Variants in ZC3H7B observed in about 807,000 individuals in gnomAD.
The protein encoded by ZC3H7B is zinc finger CCCH-type containing 7B.
Under a neutral mutation model 116.0 loss-of-function variants are expected in ZC3H7B, and 35 were observed. That is an observed-to-expected ratio of 0.30 (90% CI 0.23 to 0.40). ZC3H7B has a LOEUF of 0.40. Among genes scored for constraint, ZC3H7B ranks in the 10% least tolerant of loss-of-function variants. The pLI is 1.00. For synonymous variants in ZC3H7B, 502 were observed against 545.6 expected (o/e 0.92, Z 1.11); for missense variants, 1,011 against 1,321.5 (o/e 0.77, Z 3.64).
At chr22:41,326,538 CCTCCCATAGCCTCAGCCTCCTCACTGTTT>C (rs2036321815) in intron 4 of ZC3H7B, among the ~76,000 whole-genome samples, 7 of 151,566 alleles carry the variant, frequency 4.6e-5, no homozygotes, top group Admixed American at 2.6e-4. Flanking sequence ...CCTCACTGTT[CCTCCCATAGCCTCAGCCTCCTCACTGTTT>C]CTCCCATAGC....
intron 5 of ZC3H7B, among the ~76,000 whole-genome samples, 170 bp from the exon 6 acceptor site, chr22:41,329,853 C>G (rs2036359943): frequency 6.6e-6 from 1 of 152,218 alleles, no homozygotes; most frequent in South Asian, 2.1e-4. Context: ...TGCCACCACT[C>G]ACTAGCTGTG....
chr22:41,356,932 C>A, intron 22 of ZC3H7B, 124 bp downstream of exon 22: 2 of 1,444,072 alleles, frequency 1.4e-6, no homozygotes, highest in Non-Finnish European at 1.9e-6. Context: ...TTGGCTGTGA[C>A]TGCAGCCATG....
In ZC3H7B at chr22:41,327,604, G is replaced by A. The variant is rs1360845144; in HGVS notation, c.444+240G>A. On this transcript the variant is annotated intron_variant, in intron 5 of 22. Transcript: ENST00000352645. This position sits in a 1 kb window ranked among gnomAD's most constrained non-coding sequence, Gnocchi z 4.5. Reference sequence around the variant, plus strand: ...CTAATACTGGCAATAACCCTAAGAGGCAGATACTGTGATTATTCTCATTTT... The same window carrying A: ...CTAATACTGGCAATAACCCTAAGAGACAGATACTGTGATTATTCTCATTTT... Among the ~76,000 whole-genome samples the A allele has an allele frequency of 6.6e-6, 1 of 152,210 alleles. No homozygotes were observed. Among genetic ancestry groups the A allele is most frequent in the African/African-American group, 2.4e-5 (1 of 41,458 alleles).
At chr22:41,340,385 C>T (rs1326185790) in intron 10 of ZC3H7B, among the ~76,000 whole-genome samples, 2 of 152,050 alleles carry the variant, frequency 1.3e-5, no homozygotes, top group African/African-American at 4.8e-5. Context: ...CCTCTAGACT[C>T]CCAGTCTGGT....
At chr22:41,342,062 CAA>C (rs917602066) in intron 11 of ZC3H7B, among the ~76,000 whole-genome samples, 36 of 87,990 alleles carry the variant, frequency 4.1e-4, no homozygotes, top group Admixed American at 3.7e-4. Context: ...AACTCCATCT[CAA>C]AAAAAAAAAA....
chr22:41,310,958 G>T (rs2036110079), intron 1 of ZC3H7B, among the ~76,000 whole-genome samples: 1 of 151,824 alleles, frequency 6.6e-6, no homozygotes, highest in African/African-American at 2.4e-5. Flanking sequence ...GTAGAGAGGG[G>T]GTTTCACCGT....
rs1463775216 is a variant in ZC3H7B, at chr22:41,340,149, G to T, written c.1138+12G>T. 1.9e-6 allele frequency: 3 copies of T among 1,586,186 alleles called. No individual in the cohort carries two copies. The highest frequency in any genetic ancestry group is 2.3e-5 in the South Asian group (2 of 87,574). ...TGACTCCTTCATGGGTAAGGCCATG[G>T]GTGGGCCCGTTCAACCTCCCTGGAC... On this transcript the variant is annotated intron_variant, in intron 10 of 22. Transcript: ENST00000352645.
At chr22:41,310,948 G>A (rs2036109811) in intron 1 of ZC3H7B, among the ~76,000 whole-genome samples, 1 of 151,930 alleles carries the variant, frequency 6.6e-6, no homozygotes, top group Non-Finnish European at 1.5e-5. Context: ...TGTGTTTTTA[G>A]TAGAGAGGGG....
rs1053235707 is a variant in ZC3H7B at position 41,351,773 on chromosome 22, G to A, written c.2034+127G>A. On this transcript the variant is annotated intron_variant, in intron 17 of 22. Coordinates refer to ENST00000352645, the MANE Select transcript of ZC3H7B (RefSeq NM_017590.6). The surrounding 1 kb of genome is among the most constrained non-coding windows in gnomAD (Gnocchi z 5.1). ...GAGGCACCTCGAATAAGTTATGAAA[G>A]TAACTTGGATAATGTACACATTCAG... The A allele has an allele frequency of 9.8e-6, 8 of 820,434 alleles. No individual in the cohort carries two copies. In the African/African-American group the frequency reaches 1.4e-4, roughly 14 times the overall value. 50.8% of individuals were successfully genotyped at this position (820,434 alleles called of 1,614,324 possible).
chr22:41,341,214 G>A (rs1286478439), intron 11 of ZC3H7B, 68 bp downstream of exon 11: 1 of 1,587,170 alleles, frequency 6.3e-7, no homozygotes, highest in Non-Finnish European at 8.6e-7. Flanking sequence ...TAGAGTTGGG[G>A]AATGAGCCCT....
At position 41,343,595 on chromosome 22, in the gene ZC3H7B, G is replaced by A; in HGVS notation, c.1459+19G>A. On this transcript the variant is annotated intron_variant, in intron 13 of 22. Coordinates refer to ENST00000352645, the MANE Select transcript of ZC3H7B (RefSeq NM_017590.6). ...TGCAAAGGTGGGTGGGCTGCAGCGG[G>A]GCAGGCAGCACAGCTGGGGCCCAGC... 6.3e-7 allele frequency: 1 copy of A among 1,578,412 alleles called. No homozygotes were observed. The highest frequency in any genetic ancestry group is 8.6e-7 in the Non-Finnish European group (1 of 1,158,268).
intron 14 of ZC3H7B, among the ~76,000 whole-genome samples, chr22:41,347,699 A>G (rs554743568): frequency 6.6e-6 from 1 of 151,106 alleles, no homozygotes; most frequent in African/African-American, 2.4e-5. Flanking sequence ...ACTTGTGCCA[A>G]CCCCCCACAG....
chr22:41,320,769 G>C (rs2036245546), intron 2 of ZC3H7B, 56 bp downstream of exon 2: 1 of 1,600,258 alleles, frequency 6.2e-7, no homozygotes, highest in Non-Finnish European at 8.6e-7. Flanking sequence ...TGGGTTCTCT[G>C]AGAGCCATGC....
intron 1 of ZC3H7B, among the ~76,000 whole-genome samples, chr22:41,309,767 ACTGTGTTCCCCTAGCAC>A (rs2036094074): frequency 6.6e-6 from 1 of 152,010 alleles, no homozygotes; most frequent in African/African-American, 2.4e-5. Flanking sequence ...GACTTTATTA[ACTGTGTTCCCCTAGCAC>A]CTGGTAGGGC....
At chr22:41,330,156 A>AG in intron 6 of ZC3H7B, 53 bp downstream of exon 6, 5 of 1,596,496 alleles carry the variant, frequency 3.1e-6, no homozygotes, top group Non-Finnish European at 4.3e-6. Context: ...GGAGGTCTGA[A>AG]GGGAGGGACC....
intron 4 of ZC3H7B, 99 bp downstream of exon 4, chr22:41,326,017 G>A (rs140644762): frequency 8.0e-6 from 11 of 1,369,546 alleles, no homozygotes; most frequent in African/African-American, 1.4e-5. Flanking sequence ...GTAGACCAGG[G>A]CCAGCCTCCT....
In ZC3H7B at chr22:41,330,122, C is replaced by G. The variant is rs1317823321; in HGVS notation, c.525+19C>G. 1.9e-6 allele frequency: 3 copies of G among 1,613,200 alleles called. No homozygotes were observed. The highest frequency in any genetic ancestry group is 2.5e-6 in the Non-Finnish European group (3 of 1,179,766). On this transcript the variant is annotated intron_variant, in intron 6 of 22. Coordinates refer to ENST00000352645, the MANE Select transcript of ZC3H7B (RefSeq NM_017590.6). The stretch of plus-strand genomic sequence containing the variant: ...GCCCCAGGTAGGTGGGTTCGGGACC[C>G]TGGGAGGGTCGGTGTGGACGTGAGG...
chr22:41,318,840 T>G (rs2145907334), intron 1 of ZC3H7B, among the ~76,000 whole-genome samples: 1 of 152,252 alleles, frequency 6.6e-6, no homozygotes, highest in Admixed American at 6.5e-5. Context: ...CCAGCCTCCT[T>G]GCACATTCTC....
chr22:41,333,755 G>A (rs2036410684), intron 7 of ZC3H7B: 1 of 152,198 alleles, frequency 6.6e-6, no homozygotes. Context: ...TTGGGTATGT[G>A]ATAAACAAAA....
Sources: allele counts gnomAD v4.1 joint callset (sites outside exome capture counted in the v4.1 genomes callset), GRCh38; gene constraint gnomAD v4.1.1; non-coding constraint Gnocchi (gnomAD v3.1); transcripts MANE v1.5; gene names NCBI Gene and HGNC (gene_info 2026-07-23, HGNC 2026-07-21).